The following AKAP6 variants were observed in gnomAD, a reference collection of about 807,000 sequenced individuals.
The protein encoded by AKAP6 is A-kinase anchoring protein 6, also known as A-kinase anchor protein 6.
Under a neutral mutation model 188.5 loss-of-function variants are expected in AKAP6, and 58 were observed. The observed-to-expected ratio is 0.31, with a 90% CI of 0.25 to 0.38. The LOEUF (loss-of-function observed/expected upper bound fraction) is 0.38. Among genes scored for constraint, AKAP6 ranks in the 10% least tolerant of loss-of-function variants. AKAP6 has a pLI of 1.00. For synonymous variants in AKAP6, 989 were observed against 998.6 expected (o/e 0.99, Z 0.18); for missense variants, 2,710 against 2,740.0 (o/e 0.99, Z 0.24).
At chr14:32,331,464 C>T (rs554791738) in intron 1 of AKAP6, among the ~76,000 whole-genome samples, 7 of 152,080 alleles carry the variant, frequency 4.6e-5, no homozygotes, top group South Asian at 2.1e-4. Flanking sequence ...TTTTTCCCCC[C>T]GCAAATGTTC....
chr14:32,494,041 T>G (rs1207516689), intron 2 of AKAP6, among the ~76,000 whole-genome samples: 1 of 152,188 alleles, frequency 6.6e-6, no homozygotes, highest in Non-Finnish European at 1.5e-5. Context: ...GAAGGGACTT[T>G]CAGACTTTAT....
intron 1 of AKAP6, among the ~76,000 whole-genome samples, chr14:32,351,791 TTATATC>T (rs1887282338): frequency 6.6e-6 from 1 of 152,120 alleles, no homozygotes; most frequent in Non-Finnish European, 1.5e-5. Flanking sequence ...ACATACACAA[TTATATC>T]TATAAAATTT....
intron 2 of AKAP6, among the ~76,000 whole-genome samples, chr14:32,499,328 C>CA (rs71432061): frequency 0.49 from 54,679 of 111,030 alleles, 14,426 homozygotes; most frequent in Non-Finnish European, 0.59. Flanking sequence ...AGTGTAACAG[C>CA]AAAAAAAAAA....
At chr14:32,464,791 TGAG>T (rs938343825) in intron 2 of AKAP6, among the ~76,000 whole-genome samples, 23 of 152,068 alleles carry the variant, frequency 1.5e-4, no homozygotes, top group Middle Eastern at 3.2e-3. Context: ...AATTAGGAAA[TGAG>T]GAAGTCAAAT....
At chr14:32,695,342 A>C (rs1708029997) in intron 8 of AKAP6, among the ~76,000 whole-genome samples, 2 of 152,198 alleles carry the variant, frequency 1.3e-5, no homozygotes, top group Non-Finnish European at 2.9e-5. Context: ...ACTCATCCAT[A>C]ACAATAAATG....
chr14:32,736,486 T>G (rs771163396), intron 11 of AKAP6, among the ~76,000 whole-genome samples: 4 of 152,138 alleles, frequency 2.6e-5, no homozygotes, highest in Non-Finnish European at 5.9e-5. Flanking sequence ...TTACACAATA[T>G]CTATTTAAAA....
At chr14:32,515,471 A>G (rs978735799) in intron 2 of AKAP6, among the ~76,000 whole-genome samples, 2 of 152,198 alleles carry the variant, frequency 1.3e-5, no homozygotes, top group African/African-American at 4.8e-5. Context: ...TAATTTTACA[A>G]GGTTTTTCAG....
At chr14:32,466,907 TGAG>T (rs1878490610) in intron 2 of AKAP6, among the ~76,000 whole-genome samples, 1 of 142,502 alleles carries the variant, frequency 7.0e-6, no homozygotes, top group Admixed American at 7.0e-5. Context: ...ACAAAACAAT[TGAG>T]GAAATATATA....
At chr14:32,676,735 G>A (rs1412387105) in intron 7 of AKAP6, among the ~76,000 whole-genome samples, 1 of 152,150 alleles carries the variant, frequency 6.6e-6, no homozygotes, top group Non-Finnish European at 1.5e-5. Context: ...GTTTCTTTAA[G>A]TTCTTTCTCA....
At position 32,575,440 on chromosome 14, in the gene AKAP6, G is replaced by T. The variant is rs1884671673; in HGVS notation, c.2347-1680G>T. On this transcript the variant is annotated intron_variant, in intron 4 of 13. Coordinates refer to ENST00000280979, the MANE Select transcript of AKAP6 (RefSeq NM_004274.5). ...TCACCTGGAAGAAAATCTTCTGAGT[G>T]ATGACCAACAGAAACCTCAATGATG... Among the ~76,000 whole-genome samples, 10 of 152,220 alleles carry T rather than the reference G, an allele frequency of 6.6e-5. No individual in the cohort carries two copies. In the South Asian group the frequency reaches 2.1e-3, roughly 32 times the overall value.
At chr14:32,360,319 G>A (rs1362180876) in intron 1 of AKAP6, among the ~76,000 whole-genome samples, 4 of 152,006 alleles carry the variant, frequency 2.6e-5, no homozygotes, top group Non-Finnish European at 2.9e-5. Flanking sequence ...GTAGAGATGG[G>A]GTTTCACTAT....
intron 13 of AKAP6, among the ~76,000 whole-genome samples, chr14:32,828,265 C>T (rs979514683): frequency 5.9e-5 from 9 of 152,138 alleles, no homozygotes; most frequent in African/African-American, 1.7e-4. Flanking sequence ...ATTGGATTGA[C>T]ATTAGGTGCT....
At chr14:32,755,564 C>T (rs569659798) in intron 11 of AKAP6, among the ~76,000 whole-genome samples, 1 of 151,846 alleles carries the variant, frequency 6.6e-6, no homozygotes, top group South Asian at 2.1e-4. Flanking sequence ...ATCTCACTCT[C>T]TCTCCCAGGC....
intron 3 of AKAP6, among the ~76,000 whole-genome samples, chr14:32,542,675 G>A (rs1293744145): frequency 1.3e-5 from 2 of 152,218 alleles, no homozygotes; most frequent in African/African-American, 4.8e-5. Flanking sequence ...CTTGAGGAAG[G>A]AGGGAACATG....
chr14:32,700,821 A>C (rs1453668309), intron 9 of AKAP6, among the ~76,000 whole-genome samples: 1 of 152,138 alleles, frequency 6.6e-6, no homozygotes, highest in East Asian at 1.9e-4. Context: ...GGAGACCAGA[A>C]AGTGAGGTGG....
chr14:32,409,185 G>C (rs1298320900), intron 1 of AKAP6, among the ~76,000 whole-genome samples: 1 of 152,138 alleles, frequency 6.6e-6, no homozygotes, highest in African/African-American at 2.4e-5. Flanking sequence ...GGGCCACAGA[G>C]CAAGACTCCG....
intron 9 of AKAP6, among the ~76,000 whole-genome samples, chr14:32,727,814 T>G (rs2139813094): frequency 6.6e-6 from 1 of 152,348 alleles, no homozygotes; most frequent in Admixed American, 6.5e-5. Context: ...ATTCTACTGG[T>G]AAAATACAAG....
intron 12 of AKAP6, among the ~76,000 whole-genome samples, chr14:32,815,637 G>T (rs1383842423): frequency 6.6e-6 from 1 of 152,076 alleles, no homozygotes; most frequent in African/African-American, 2.4e-5. Flanking sequence ...TTGACTCTTT[G>T]GTCGTACCAA....
At chr14:32,579,664 C>G (rs1186015787) in intron 5 of AKAP6, among the ~76,000 whole-genome samples, 1 of 152,124 alleles carries the variant, frequency 6.6e-6, no homozygotes, top group East Asian at 1.9e-4. Context: ...ATCTTTCAAT[C>G]AAATTCTTAG....
Sources: gnomAD v4.1 joint callset for allele counts (sites outside exome capture counted in the v4.1 genomes callset) on GRCh38, gnomAD v4.1.1 for gene constraint, MANE v1.5 for transcripts, NCBI Gene and HGNC (gene_info 2026-07-23, HGNC 2026-07-21) for gene names.